PCDHGB4: variants seen among roughly 807,000 people sequenced by gnomAD.
PCDHGB4 encodes the protein protocadherin gamma subfamily B, 4.
Under a neutral mutation model 60.5 loss-of-function variants are expected in PCDHGB4, and 38 were observed. The observed-to-expected ratio is 0.63, with a 90% confidence interval of 0.48 to 0.82. PCDHGB4 has a LOEUF of 0.82. Ranked by LOEUF, PCDHGB4 falls within the 40% of genes least tolerant of loss-of-function variation. The pLI is 0.00. For synonymous variants in PCDHGB4, 456 were observed against 509.7 expected (o/e 0.89, Z 1.42); for missense variants, 1,109 against 1,209.6 (o/e 0.92, Z 1.23).
At position 141,400,743 on chromosome 5, in the gene PCDHGB4, C is replaced by T. The variant is rs1404866842; in HGVS notation, c.2397+10462C>T. 6.5e-6 allele frequency: 4 copies of T among 611,214 alleles called. No individual in the cohort carries two copies. In the East Asian group the frequency reaches 1.1e-4, roughly 17 times the overall value. 37.9% of individuals were successfully genotyped at this position (611,214 alleles called of 1,614,324 possible). A position where few individuals can be genotyped will look rare whatever the true frequency, so the allele number is the denominator to read the frequency against. On this transcript the variant is annotated intron_variant, in intron 1 of 3. Coordinates refer to ENST00000519479, the MANE Select transcript of PCDHGB4 (RefSeq NM_003736.4). ...ATTTACAAAGTAGTGAGAGTTTGCTCTTAGCTTCCTCTCTAGCAAAAACAT... is the reference window on the plus strand; with the variant it reads ...ATTTACAAAGTAGTGAGAGTTTGCTTTTAGCTTCCTCTCTAGCAAAAACAT...
At position 141,476,760 on chromosome 5, in the gene PCDHGB4, C is replaced by A; in HGVS notation, c.2398-18047C>A. The A allele has an allele frequency of 6.2e-7, 1 of 1,613,824 alleles. No homozygotes were observed. Among genetic ancestry groups the A allele is most frequent in the Non-Finnish European group, 8.5e-7 (1 of 1,180,010 alleles). On this transcript the variant is annotated intron_variant, in intron 1 of 3. Coordinates refer to ENST00000519479, the MANE Select transcript of PCDHGB4 (RefSeq NM_003736.4). This position sits in a 1 kb window ranked among gnomAD's most constrained non-coding sequence, Gnocchi z 7.6. ...GAGCCTAGTCTCCAGTTAGTGCTGA[C>A]GGCGTTGGACGGAGGGACCCCAGCT...
chr5:141,470,550 A>G (rs899475300), intron 1 of PCDHGB4, among the ~76,000 whole-genome samples: 1 of 152,120 alleles, frequency 6.6e-6, no homozygotes, highest in Non-Finnish European at 1.5e-5. Flanking sequence ...ATTTATTGAG[A>G]GTTTCCTCTG....
Position 141,490,983 on chromosome 5 carries a change from C to T in PCDHGB4, c.2398-3824C>T. ...ACTCAGCCCCCCAGCGTCTCCCTCG[C>T]TCTGCTCCTCCTGGCTCCTTGGTCA... On this transcript the variant is annotated intron_variant, in intron 1 of 3. Transcript: ENST00000519479. The surrounding 1 kb of genome is among the most constrained non-coding windows in gnomAD (Gnocchi z 5.4). 2 of 1,614,120 alleles carry T rather than the reference C, an allele frequency of 1.2e-6. No individual in the cohort carries two copies. Among genetic ancestry groups the T allele is most frequent in the South Asian group, 2.2e-5 (2 of 91,082 alleles).
chr5:141,451,860 C>T, intron 1 of PCDHGB4, among the ~76,000 whole-genome samples: 1 of 151,832 alleles, frequency 6.6e-6, no homozygotes, highest in Non-Finnish European at 1.5e-5. Flanking sequence ...CAGCCTAGGC[C>T]ACAGAATGAA....
intron 1 of PCDHGB4, chr5:141,410,295 T>G (rs1043971768): frequency 9.3e-6 from 15 of 1,613,864 alleles, no homozygotes; most frequent in Non-Finnish European, 1.3e-5. Context: ...GCCTTGGCCT[T>G]AATCTCAGTG....
chr5:141,436,220 T>C (rs1179034537), intron 1 of PCDHGB4, among the ~76,000 whole-genome samples: 2 of 152,096 alleles, frequency 1.3e-5, no homozygotes, highest in Non-Finnish European at 2.9e-5. Flanking sequence ...ACAAATGACT[T>C]GGGAAACTAA....
In PCDHGB4 at chr5:141,491,786, C is replaced by T; in HGVS notation, c.2398-3021C>T. The stretch of plus-strand genomic sequence containing the variant: ...CCTCATAAGGGATTGAACTTGCATC[C>T]ACTCCTCTCCGGCCGGCTTGGTCGC... On this transcript the variant is annotated intron_variant, in intron 1 of 3. Coordinates refer to ENST00000519479, the MANE Select transcript of PCDHGB4 (RefSeq NM_003736.4). This position sits in a 1 kb window ranked among gnomAD's most constrained non-coding sequence, Gnocchi z 6.9. The T allele has an allele frequency of 1.3e-6, 2 of 1,529,640 alleles. No individual in the cohort carries two copies. The highest frequency in any genetic ancestry group is 2.5e-5 in the South Asian group (2 of 80,832). The allele number at this position is 1,529,640 out of a possible 1,614,324, so 94.8% of individuals were successfully genotyped here.
At chr5:141,448,710 G>T (rs897054829) in intron 1 of PCDHGB4, among the ~76,000 whole-genome samples, 1 of 152,162 alleles carries the variant, frequency 6.6e-6, no homozygotes, top group Non-Finnish European at 1.5e-5. Flanking sequence ...GGAGGCCGAG[G>T]CGGGAGGATC....
At chr5:141,440,030 G>A (rs780807702) in intron 1 of PCDHGB4, 2 of 153,028 alleles carry the variant, frequency 1.3e-5, no homozygotes, top group African/African-American at 2.4e-5. Context: ...ACTCAGTGTC[G>A]AGGACATGCC....
chr5:141,510,813 C>T, intron 3 of PCDHGB4, 134 bp from the exon 4 acceptor site: 1 of 1,537,024 alleles, frequency 6.5e-7, no homozygotes, highest in South Asian at 1.2e-5. Flanking sequence ...CTTGGTGACC[C>T]CTATATTCCC....
rs1255366269 is a variant in PCDHGB4 at position 141,389,930 on chromosome 5, C to G, written c.2046C>G (p.Leu682=). The part of the protein sequence containing the change: ...DITDRPDPSD[L]QAELQFYLVV... The stretch of plus-strand genomic sequence containing the variant: ...CTGACCGCCCCGACCCCTCTGACCT[C>G]CAGGCTGAGCTGCAGTTTTACCTAG... The change falls in exon 1 of 4, where the codon CTC becomes CTG. Residue 682 remains leucine, a synonymous_variant. Transcript: ENST00000519479. 6.2e-7 allele frequency: 1 copy of G among 1,614,064 alleles called. No homozygotes were observed. The highest frequency in any genetic ancestry group is 2.2e-5 in the East Asian group (1 of 44,890).
intron 1 of PCDHGB4, chr5:141,418,398 T>C (rs754177868): frequency 6.2e-7 from 1 of 1,613,842 alleles, no homozygotes; most frequent in South Asian, 1.1e-5. Flanking sequence ...TATTTCTCAT[T>C]GGTGGAGAAA....
At chr5:141,436,764 A>G (rs1248797699) in intron 1 of PCDHGB4, among the ~76,000 whole-genome samples, 1 of 152,214 alleles carries the variant, frequency 6.6e-6, no homozygotes, top group East Asian at 1.9e-4. Flanking sequence ...GGTATAATGG[A>G]ATGATTTGTG....
chr5:141,464,271 A>AT (rs1336006891), intron 1 of PCDHGB4, among the ~76,000 whole-genome samples: 1 of 136,538 alleles, frequency 7.3e-6, no homozygotes, highest in Non-Finnish European at 1.5e-5. Flanking sequence ...TCTAAAAAAA[A>AT]AAAAAAGCAA....
rs1562137380 is a variant in PCDHGB4, at chr5:141,490,297, G to T, written c.2398-4510G>T. On this transcript the variant is annotated intron_variant, in intron 1 of 3. Coordinates refer to ENST00000519479, the MANE Select transcript of PCDHGB4 (RefSeq NM_003736.4). This position sits in a 1 kb window ranked among gnomAD's most constrained non-coding sequence, Gnocchi z 5.4. The stretch of plus-strand genomic sequence containing the variant: ...TGACAATGCCCCAGAGGTGCTATTG[G>T]CCTCTTTGGCCAACCCTGTCCTAGA... 2 of 1,614,202 alleles carry T rather than the reference G, an allele frequency of 1.2e-6. No individual in the cohort carries two copies. Among genetic ancestry groups the T allele is most frequent in the South Asian group, 1.1e-5 (1 of 91,086 alleles).
chr5:141,467,532 T>G (rs2099145568), intron 1 of PCDHGB4, among the ~76,000 whole-genome samples: 1 of 152,234 alleles, frequency 6.6e-6, no homozygotes, highest in Non-Finnish European at 1.5e-5. Flanking sequence ...TGTGCTGAGA[T>G]ATGGATCTGA....
intron 2 of PCDHGB4, among the ~76,000 whole-genome samples, chr5:141,499,670 C>T (rs1477227784): frequency 6.6e-6 from 1 of 151,412 alleles, no homozygotes; most frequent in African/African-American, 2.4e-5. Flanking sequence ...TCTTGGTCTC[C>T]ACCATCTTTA....
intron 1 of PCDHGB4, chr5:141,393,480 T>G (rs1026854698): frequency 5.0e-6 from 8 of 1,613,942 alleles, no homozygotes; most frequent in Non-Finnish European, 6.8e-6. Context: ...GCCGCCTCGC[T>G]CTAGCACAGT....
At chr5:141,409,741 G>A in intron 1 of PCDHGB4, 2 of 1,613,122 alleles carry the variant, frequency 1.2e-6, no homozygotes, top group Non-Finnish European at 1.7e-6. Context: ...AGAGCGGGGT[G>A]GTGTTCGCGC....
Sources: gnomAD v4.1 joint callset for allele counts (sites outside exome capture counted in the v4.1 genomes callset) on GRCh38, gnomAD v4.1.1 for gene constraint, Gnocchi (gnomAD v3.1) non-coding constraint, MANE v1.5 for transcripts, NCBI Gene and HGNC (gene_info 2026-07-23, HGNC 2026-07-21) for gene names.